DENND1B: variants seen among roughly 807,000 people sequenced by gnomAD.
DENND1B encodes DENN domain containing 1B.
A neutral mutation model predicts 90.1 loss-of-function variants in DENND1B; 59 were observed. That is an observed-to-expected ratio of 0.65 (90% CI 0.53 to 0.81). The LOEUF is 0.81. Among genes scored for constraint, DENND1B ranks in the 40% least tolerant of loss-of-function variants. The pLI, the probability that DENND1B is intolerant of heterozygous loss-of-function variation, is 0.00. For synonymous variants in DENND1B, 337 were observed against 324.6 expected (o/e 1.04, Z -0.41); for missense variants, 862 against 912.6 (o/e 0.94, Z 0.71).
At chr1:197,555,439 G>A (rs928294290) in intron 15 of DENND1B, among the ~76,000 whole-genome samples, 1 of 152,032 alleles carries the variant, frequency 6.6e-6, no homozygotes, top group African/African-American at 2.4e-5. Context: ...CAGAATGGGA[G>A]AAAATACTGG....
intron 13 of DENND1B, among the ~76,000 whole-genome samples, chr1:197,596,625 C>A (rs1033898378): frequency 1.4e-5 from 2 of 144,932 alleles, no homozygotes; most frequent in Non-Finnish European, 2.9e-5. Flanking sequence ...CATATACACA[C>A]ATACATACAC....
chr1:197,551,868 G>GC (rs778601314), intron 16 of DENND1B, among the ~76,000 whole-genome samples: 29 of 152,086 alleles, frequency 1.9e-4, no homozygotes, highest in Non-Finnish European at 3.7e-4. Context: ...ACTGAAGGAA[G>GC]CAAGGAGCTG....
At chr1:197,575,338 T>G (rs557391385) in intron 15 of DENND1B, among the ~76,000 whole-genome samples, 1 of 152,238 alleles carries the variant, frequency 6.6e-6, no homozygotes, top group East Asian at 1.9e-4. Flanking sequence ...AAAAGGGTCA[T>G]CATCACTGGT....
intron 15 of DENND1B, among the ~76,000 whole-genome samples, chr1:197,555,049 C>G (rs548066234): frequency 6.6e-6 from 1 of 151,962 alleles, no homozygotes; most frequent in Admixed American, 6.6e-5. Flanking sequence ...ACCAACTGAT[C>G]TTTAACAAAA....
chr1:197,650,796 G>C (rs1653056500), intron 7 of DENND1B, among the ~76,000 whole-genome samples: 1 of 152,182 alleles, frequency 6.6e-6, no homozygotes, highest in African/African-American at 2.4e-5. Flanking sequence ...TGTTCTCACT[G>C]ATATGCGGGA....
chr1:197,653,499 A>T (rs927275927), intron 6 of DENND1B, among the ~76,000 whole-genome samples: 2 of 152,098 alleles, frequency 1.3e-5, no homozygotes, highest in Admixed American at 6.5e-5. Context: ...TCAAGTAAGG[A>T]TAACTTGAAC....
At position 197,682,396 on chromosome 1, in the gene DENND1B, C is replaced by A. The variant is rs558825940; in HGVS notation, c.127-8227G>T. Among the ~76,000 whole-genome samples, 312 of 152,152 alleles carry A rather than the reference C, an allele frequency of 2.1e-3. 2 individuals are homozygous for A. The highest frequency in any genetic ancestry group is 6.8e-3 in the Middle Eastern group (2 of 294). ...TTAAAAACAGATTATTTAATGAAGA[C>A]TATTTACTTAAAAGGTATAAAGTCT... On this transcript the variant is annotated intron_variant, in intron 3 of 22. Transcript: ENST00000620048.
intron 15 of DENND1B, among the ~76,000 whole-genome samples, chr1:197,568,563 C>G (rs1422463031): frequency 6.6e-6 from 1 of 152,056 alleles, no homozygotes; most frequent in Non-Finnish European, 1.5e-5. Flanking sequence ...ATAAAAGGAG[C>G]AAAGCTGGAG....
intron 16 of DENND1B, among the ~76,000 whole-genome samples, chr1:197,551,855 T>C (rs1004291842): frequency 4.6e-5 from 7 of 152,108 alleles, no homozygotes; most frequent in African/African-American, 1.7e-4. Flanking sequence ...TTTTTACCCA[T>C]GAACTGAAGG....
At chr1:197,678,099 T>C (rs1656276968) in intron 3 of DENND1B, among the ~76,000 whole-genome samples, 1 of 152,162 alleles carries the variant, frequency 6.6e-6, no homozygotes, top group Non-Finnish European at 1.5e-5. Flanking sequence ...CCTAAACTAA[T>C]CCCTGGCAAG....
intron 2 of DENND1B, among the ~76,000 whole-genome samples, chr1:197,764,430 T>C (rs2102474315): frequency 6.6e-6 from 1 of 152,344 alleles, no homozygotes; most frequent in Middle Eastern, 3.4e-3. Flanking sequence ...CCTGTAACCA[T>C]GACATTATAG....
chr1:197,544,899 A>G (rs1419079737), intron 18 of DENND1B, among the ~76,000 whole-genome samples: 30 of 141,208 alleles, frequency 2.1e-4, no homozygotes, highest in African/African-American at 2.8e-4. Context: ...GAAGAAGAAG[A>G]AGAAAGAAGA....
intron 2 of DENND1B, among the ~76,000 whole-genome samples, chr1:197,752,390 T>G (rs1432498977): frequency 6.6e-6 from 1 of 152,050 alleles, no homozygotes; most frequent in Non-Finnish European, 1.5e-5. Flanking sequence ...AGAATTTGAA[T>G]TCATAATTAA....
chr1:197,664,989 A>G (rs1260124247), intron 5 of DENND1B, among the ~76,000 whole-genome samples: 1 of 152,078 alleles, frequency 6.6e-6, no homozygotes, highest in African/African-American at 2.4e-5. Flanking sequence ...TATTTCTTGC[A>G]TTTTTGCTAG....
At chr1:197,581,799 C>G (rs977356215) in intron 15 of DENND1B, among the ~76,000 whole-genome samples, 1 of 152,108 alleles carries the variant, frequency 6.6e-6, no homozygotes, top group South Asian at 2.1e-4. Context: ...CAATCCCTAA[C>G]CCCCATATAA....
chr1:197,589,547 A>G (rs1675003564), intron 14 of DENND1B, among the ~76,000 whole-genome samples: 1 of 152,288 alleles, frequency 6.6e-6, no homozygotes, highest in African/African-American at 2.4e-5. Context: ...TAATAAGTTG[A>G]CAATTACAAG....
intron 3 of DENND1B, among the ~76,000 whole-genome samples, chr1:197,693,453 T>C (rs1226333803): frequency 2.0e-5 from 3 of 151,698 alleles, no homozygotes; most frequent in Non-Finnish European, 4.4e-5. Flanking sequence ...AAATATTGTA[T>C]ACTACTTAAA....
chr1:197,714,518 A>G (rs1225815703), intron 3 of DENND1B, among the ~76,000 whole-genome samples: 1 of 152,134 alleles, frequency 6.6e-6, no homozygotes, highest in Non-Finnish European at 1.5e-5. Flanking sequence ...CTTGCATGCC[A>G]TATTTTTTAA....
upstream of DENND1B, among the ~76,000 whole-genome samples, chr1:197,778,140 T>A (rs1471646519): frequency 6.6e-6 from 1 of 152,216 alleles, no homozygotes; most frequent in African/African-American, 2.4e-5. Flanking sequence ...ATACAACCAT[T>A]CATCATTATG....
Sources: allele counts gnomAD v4.1 joint callset (sites outside exome capture counted in the v4.1 genomes callset), GRCh38; gene constraint gnomAD v4.1.1; transcripts MANE v1.5; gene names NCBI Gene and HGNC (gene_info 2026-07-23, HGNC 2026-07-21).